SLC2A9: variants seen among roughly 807,000 people sequenced by gnomAD.
SLC2A9 encodes solute carrier family 2 member 9.
In SLC2A9, 39 loss-of-function variants were observed where a neutral mutation model predicts 50.6. That is an observed-to-expected ratio of 0.77 (90% CI 0.60 to 1.01). SLC2A9 has a LOEUF of 1.01. Among genes scored for constraint, SLC2A9 ranks in the 50% least tolerant of loss-of-function variants. The pLI is 0.00. For synonymous variants in SLC2A9, 324 were observed against 276.9 expected, an observed-to-expected ratio of 1.17 and a Z score of -1.69; for missense variants, 686 against 677.6, an observed-to-expected ratio of 1.01 and a Z score of -0.14.
chr4:9,809,527 C>T (rs1171147676), intron 3 of SLC2A9, among the ~76,000 whole-genome samples: 14 of 152,138 alleles, frequency 9.2e-5, no homozygotes, highest in African/African-American at 4.8e-5. Flanking sequence ...GAGGAAGAAT[C>T]GTGGAAAGGC....
chr4:9,925,478 C>T (rs912548162), intron 6 of SLC2A9, among the ~76,000 whole-genome samples: 1 of 152,176 alleles, frequency 6.6e-6, no homozygotes, highest in Admixed American at 6.5e-5. Flanking sequence ...TCGGAGCAAC[C>T]TGGGCTTCAC....
intron 5 of SLC2A9, among the ~76,000 whole-genome samples, chr4:9,954,915 G>C (rs1411382028): frequency 6.6e-6 from 1 of 152,106 alleles, no homozygotes; most frequent in African/African-American, 2.4e-5. Flanking sequence ...ACCTAAAACT[G>C]GTGATCATAA....
At chr4:9,867,339 A>ATGTGGG (rs1189459317) in intron 10 of SLC2A9, among the ~76,000 whole-genome samples, 1 of 152,204 alleles carries the variant, frequency 6.6e-6, no homozygotes, top group East Asian at 1.9e-4. Flanking sequence ...CTCTGCAGCC[A>ATGTGGG]TGTGGGTTTC....
At chr4:9,863,655 G>T (rs796218888) in intron 10 of SLC2A9, among the ~76,000 whole-genome samples, 5 of 152,100 alleles carry the variant, frequency 3.3e-5, no homozygotes, top group African/African-American at 1.2e-4. Flanking sequence ...AAGAAGTTGG[G>T]CATGCAAAGG....
chr4:9,844,730 C>A (rs989869135), intron 10 of SLC2A9, among the ~76,000 whole-genome samples: 15 of 152,220 alleles, frequency 9.9e-5, no homozygotes, highest in African/African-American at 3.1e-4. Context: ...TTTCTTTCTC[C>A]AGAGATAAAC....
chr4:10,024,737 C>G (rs78805846), upstream of SLC2A9, among the ~76,000 whole-genome samples: 562 of 152,306 alleles, frequency 3.7e-3, 6 homozygotes, highest in African/African-American at 0.012. Flanking sequence ...CTGGAACTGA[C>G]CTTAAACTGT....
intron 10 of SLC2A9, among the ~76,000 whole-genome samples, chr4:9,883,712 G>A (rs2109679686): frequency 6.6e-6 from 1 of 152,278 alleles, no homozygotes; most frequent in Admixed American, 6.5e-5. Context: ...GTGCCCTGTG[G>A]GTTCAGCACC....
intron 1 of SLC2A9, chr4:10,035,751 G>C (rs1444302543): frequency 1.3e-5 from 2 of 152,238 alleles, no homozygotes; most frequent in Non-Finnish European, 2.9e-5. Flanking sequence ...AACAAAATGG[G>C]CAGAAAAAAA....
At chr4:10,004,484 G>A (rs1223686634) in intron 2 of SLC2A9, among the ~76,000 whole-genome samples, 3 of 152,114 alleles carry the variant, frequency 2.0e-5, no homozygotes, top group Admixed American at 6.5e-5. Context: ...GCTTGCTCCT[G>A]TCAGCTGGCC....
chr4:9,925,174 T>G (rs1744676433), intron 6 of SLC2A9, among the ~76,000 whole-genome samples: 1 of 152,246 alleles, frequency 6.6e-6, no homozygotes, highest in South Asian at 2.1e-4. Flanking sequence ...CTGCTCGTGC[T>G]GTTCCTTGTG....
In SLC2A9 at chr4:9,887,654, C is replaced by A; in HGVS notation, c.1216-12G>T. On this transcript the variant is annotated splice_polypyrimidine_tract_variant and intron_variant, in intron 9 of 11. Coordinates refer to ENST00000264784, the MANE Select transcript of SLC2A9 (RefSeq NM_020041.3). ...CAGGGGGCGTGGTCCTGGGAGAGAA[C>A]AGGGAGTGGTCAGGTGAGGAGGTGA... The A allele has an allele frequency of 6.6e-7, 1 of 1,508,008 alleles. No homozygotes were observed. Among genetic ancestry groups the A allele is most frequent in the Non-Finnish European group, 8.9e-7 (1 of 1,124,492 alleles). 93.4% of individuals were successfully genotyped at this position (1,508,008 alleles called of 1,614,324 possible).
intron 8 of SLC2A9, among the ~76,000 whole-genome samples, chr4:9,897,276 C>T (rs946275970): frequency 3.8e-4 from 58 of 152,218 alleles, no homozygotes; most frequent in African/African-American, 1.4e-3. Context: ...GTGTGAGCTG[C>T]CTGAGGTCAC....
At chr4:9,788,545 G>C (rs979640336) in intron 3 of SLC2A9, among the ~76,000 whole-genome samples, 1 of 151,958 alleles carries the variant, frequency 6.6e-6, no homozygotes, top group African/African-American at 2.4e-5. Flanking sequence ...CCTGTTAATG[G>C]ATACTATTTT....
chr4:9,815,732 A>G (rs751546712), intron 3 of SLC2A9, among the ~76,000 whole-genome samples: 2 of 152,242 alleles, frequency 1.3e-5, no homozygotes, highest in Non-Finnish European at 2.9e-5. Context: ...GGGATTCTGA[A>G]GGAAGAGAAT....
At chr4:10,034,437 G>T (rs1764033041) in intron 1 of SLC2A9, 1 of 152,286 alleles carries the variant, frequency 6.6e-6, no homozygotes, top group Non-Finnish European at 1.5e-5. Context: ...ACAGCCGCAG[G>T]GTTTGCCTTG....
intron 2 of SLC2A9, among the ~76,000 whole-genome samples, chr4:10,000,864 C>T (rs1274073062): frequency 6.6e-6 from 1 of 152,112 alleles, no homozygotes; most frequent in Non-Finnish European, 1.5e-5. Flanking sequence ...TCTCCAGTTG[C>T]TCAGCCAAAA....
At chr4:9,774,915 A>G (rs4096271), downstream of SLC2A9, among the ~76,000 whole-genome samples, 9 of 152,076 alleles carry the variant, frequency 5.9e-5, no homozygotes, top group Non-Finnish European at 8.8e-5. Context: ...CCCACCACAT[A>G]CCAGCAGAGC....
chr4:10,019,196 G>T, intron 1 of SLC2A9, 123 bp from the exon 2 acceptor site: 2 of 795,394 alleles, frequency 2.5e-6, no homozygotes, highest in Non-Finnish European at 4.2e-6. Flanking sequence ...TCCTTGGCTG[G>T]GGTAGAGACA....
intron 8 of SLC2A9, among the ~76,000 whole-genome samples, chr4:9,895,932 T>C (rs990682901): frequency 6.6e-6 from 1 of 152,240 alleles, no homozygotes; most frequent in Admixed American, 6.5e-5. Context: ...GATTCATCCT[T>C]CTTGTAGTAC....
Sources: gnomAD v4.1 joint callset for allele counts (sites outside exome capture counted in the v4.1 genomes callset) on GRCh38, gnomAD v4.1.1 for gene constraint, MANE v1.5 for transcripts, NCBI Gene and HGNC (gene_info 2026-07-23, HGNC 2026-07-21) for gene names.